The following SPOCK3 variants were observed in gnomAD, a reference collection of about 807,000 sequenced individuals.
SPOCK3 encodes the protein SPARC (osteonectin), cwcv and kazal like domains proteoglycan 3, also known as testican-3.
In SPOCK3, 30 loss-of-function variants were observed where a neutral mutation model predicts 56.6. That is an observed-to-expected ratio of 0.53 (90% CI 0.40 to 0.72). The LOEUF (loss-of-function observed/expected upper bound fraction) is 0.72, where lower values mean the gene tolerates loss of function less well. SPOCK3 is among the 30% of genes least tolerant of loss of function. SPOCK3 has a pLI of 0.00. For synonymous variants in SPOCK3, 196 were observed against 183.3 expected (o/e 1.07, Z -0.56); for missense variants, 527 against 530.0 (o/e 0.99, Z 0.06).
chr4:166,927,446 G>A (rs1241539391), intron 4 of SPOCK3, among the ~76,000 whole-genome samples: 1 of 152,128 alleles, frequency 6.6e-6, no homozygotes, highest in Non-Finnish European at 1.5e-5. Context: ...TGATTGTGAG[G>A]CTTTCTCAAC....
At chr4:166,891,234 G>T (rs1427993472) in intron 5 of SPOCK3, among the ~76,000 whole-genome samples, 2 of 151,886 alleles carry the variant, frequency 1.3e-5, no homozygotes, top group Non-Finnish European at 2.9e-5. Flanking sequence ...TTCTTTGGTG[G>T]CTACTGCCAT....
At position 166,847,146 on chromosome 4, in the gene SPOCK3, T is replaced by TGTA. The variant is rs1748138118; in HGVS notation, c.589+41981_589+41983dup. Among the ~76,000 whole-genome samples the TGTA allele has an allele frequency of 2.6e-5, 4 of 152,280 alleles. No homozygotes were observed. The South Asian group carries it at 8.3e-4, about 32-fold the overall frequency. On this transcript the variant is annotated intron_variant, in intron 6 of 10. Transcript: ENST00000357545. Reference sequence around the variant, plus strand: ...AAAATGGAAGACTGATATGTCATCCTGTACTGCAAAAGTCTGGTCATATGA... The same window carrying TGTA: ...AAAATGGAAGACTGATATGTCATCCTGTAGTACTGCAAAAGTCTGGTCATATGA...
At chr4:167,205,293 ATC>A (rs1429648284) in intron 2 of SPOCK3, among the ~76,000 whole-genome samples, 3 of 48,088 alleles carry the variant, frequency 6.2e-5, no homozygotes, top group East Asian at 1.0e-3. Flanking sequence ...TATATTTTAT[ATC>A]TATAATATAT....
At chr4:166,919,834 T>A (rs1239743184) in intron 4 of SPOCK3, among the ~76,000 whole-genome samples, 2 of 152,220 alleles carry the variant, frequency 1.3e-5, no homozygotes, top group Non-Finnish European at 2.9e-5. Flanking sequence ...TGTATAGTTA[T>A]CATCATTGAA....
intron 2 of SPOCK3, among the ~76,000 whole-genome samples, chr4:167,206,968 A>C (rs182615673): frequency 1.3e-5 from 2 of 152,074 alleles, no homozygotes; most frequent in Non-Finnish European, 2.9e-5. Context: ...TCCCAACACA[A>C]AAAAAACGAT....
At chr4:167,125,994 A>G (rs1217434362) in intron 2 of SPOCK3, among the ~76,000 whole-genome samples, 2 of 152,176 alleles carry the variant, frequency 1.3e-5, no homozygotes, top group Admixed American at 1.3e-4. Flanking sequence ...TACACACTTT[A>G]TTTTTACTCA....
rs549579459 is a variant in SPOCK3 at position 166,994,205 on chromosome 4, T to A, written c.350+6144A>T. Among the ~76,000 whole-genome samples the A allele has an allele frequency of 2.6e-5, 4 of 152,070 alleles. No individual in the cohort carries two copies. In the South Asian group the frequency reaches 8.3e-4, roughly 32 times the overall value. On this transcript the variant is annotated intron_variant, in intron 4 of 10. Transcript: ENST00000357545. Reference sequence around the variant, plus strand: ...AATATACAACGTGTTTAGGAAAAAATAGTAATAGCTAACCCTATCATAATG... The same window carrying A: ...AATATACAACGTGTTTAGGAAAAAAAAGTAATAGCTAACCCTATCATAATG...
intron 2 of SPOCK3, among the ~76,000 whole-genome samples, chr4:167,116,165 A>G (rs1247806359): frequency 6.6e-6 from 1 of 151,836 alleles, no homozygotes; most frequent in Non-Finnish European, 1.5e-5. Flanking sequence ...CTCCTATAAA[A>G]ATACCCAAGA....
intron 3 of SPOCK3, among the ~76,000 whole-genome samples, chr4:167,026,940 T>C (rs1016203654): frequency 1.3e-5 from 2 of 151,724 alleles, no homozygotes; most frequent in East Asian, 2.0e-4. Flanking sequence ...TTATATGATA[T>C]GGTTTGTGCA....
At chr4:167,203,530 T>A (rs1390064349) in intron 2 of SPOCK3, among the ~76,000 whole-genome samples, 1 of 148,094 alleles carries the variant, frequency 6.8e-6, no homozygotes, top group Non-Finnish European at 1.5e-5. Flanking sequence ...GCTTAGGAGA[T>A]CACAGAAAAG....
intron 4 of SPOCK3, among the ~76,000 whole-genome samples, chr4:166,953,536 A>C (rs1028204327): frequency 1.3e-5 from 2 of 152,062 alleles, no homozygotes; most frequent in Non-Finnish European, 2.9e-5. Flanking sequence ...GTGATTCCTC[A>C]GGGATCTAGA....
rs925777118 is a variant in SPOCK3, at chr4:167,116,846, T to C, written c.190-54309A>G. Among the ~76,000 whole-genome samples, 10 of 142,630 alleles carry C rather than the reference T, an allele frequency of 7.0e-5. No homozygotes were observed. The East Asian group carries it at 1.8e-3, about 26-fold the overall frequency. The allele number at this position is 142,630 out of a possible 152,430, so 93.6% of individuals were successfully genotyped here. The stretch of plus-strand genomic sequence containing the variant: ...ATATATAAAAGTATATATATACTTT[T>C]ATATATATACTTTTGTATATAGATA... On this transcript the variant is annotated intron_variant, in intron 2 of 10. Transcript: ENST00000357545.
At chr4:167,020,081 T>C (rs1751022749) in intron 3 of SPOCK3, among the ~76,000 whole-genome samples, 1 of 152,092 alleles carries the variant, frequency 6.6e-6, no homozygotes, top group African/African-American at 2.4e-5. Flanking sequence ...GGACCTTTTG[T>C]TACTGTAGCC....
intron 4 of SPOCK3, among the ~76,000 whole-genome samples, chr4:166,984,026 C>A (rs562371190): frequency 4.6e-5 from 7 of 151,940 alleles, no homozygotes; most frequent in Admixed American, 1.3e-4. Context: ...TTGTAGAAAA[C>A]CTAAAAAATA....
At chr4:167,164,397 G>C (rs758076317) in intron 2 of SPOCK3, among the ~76,000 whole-genome samples, 22 of 151,946 alleles carry the variant, frequency 1.4e-4, no homozygotes, top group Non-Finnish European at 2.2e-4. Flanking sequence ...AAATTAATGA[G>C]ATTATATGGG....
At chr4:166,736,036 CTCTT>C (rs1734186662) in intron 10 of SPOCK3, among the ~76,000 whole-genome samples, 1 of 151,996 alleles carries the variant, frequency 6.6e-6, no homozygotes, top group Admixed American at 6.6e-5. Flanking sequence ...TTATTTTATA[CTCTT>C]TCTAATATTT....
intron 4 of SPOCK3, among the ~76,000 whole-genome samples, chr4:166,969,249 C>T (rs779265951): frequency 7.9e-5 from 12 of 152,126 alleles, no homozygotes; most frequent in South Asian, 2.1e-4. Context: ...GAATGAGTTA[C>T]GACTTTGGAG....
chr4:166,966,613 A>G (rs1274118983), intron 4 of SPOCK3, among the ~76,000 whole-genome samples: 1 of 152,218 alleles, frequency 6.6e-6, no homozygotes, highest in Non-Finnish European at 1.5e-5. Flanking sequence ...GTTTCTGAGC[A>G]GTGAAGAATA....
chr4:166,893,057 T>G (rs931872058), intron 5 of SPOCK3, among the ~76,000 whole-genome samples: 6 of 152,066 alleles, frequency 3.9e-5, no homozygotes, highest in African/African-American at 1.4e-4. Flanking sequence ...CAATTTTGTT[T>G]GTCACAACTG....
Sources: allele counts gnomAD v4.1 joint callset (sites outside exome capture counted in the v4.1 genomes callset), GRCh38; gene constraint gnomAD v4.1.1; transcripts MANE v1.5; gene names NCBI Gene and HGNC (gene_info 2026-07-23, HGNC 2026-07-21).